Variants in BLOC1S5 observed in about 807,000 individuals in gnomAD.
BLOC1S5 encodes the protein biogenesis of lysosomal organelles complex 1 subunit 5.
In BLOC1S5, 27 loss-of-function variants were observed where a neutral mutation model predicts 24.3. The observed-to-expected ratio is 1.11, with a 90% CI of 0.82 to 1.53. The LOEUF is 1.53. BLOC1S5 is among the 40% of genes most tolerant of loss of function. BLOC1S5 has a pLI of 0.00. For missense variants in BLOC1S5, 239 were observed against 229.4 expected, an observed-to-expected ratio of 1.04 and a Z score of -0.27; for synonymous variants, 84 against 74.5, an observed-to-expected ratio of 1.13 and a Z score of -0.66.
rs756972606 is a variant in BLOC1S5 at position 8,022,579 on chromosome 6, C to CTTTTTTTTTTTT, written c.384+3776_384+3787dup. 2.2e-4 allele frequency among the ~76,000 whole-genome samples: 16 copies of CTTTTTTTTTTTT among 74,308 alleles called. 4 individuals are homozygous for CTTTTTTTTTTTT. Among genetic ancestry groups the CTTTTTTTTTTTT allele is most frequent in the East Asian group, 8.8e-4 (2 of 2,278 alleles). 48.7% of individuals were successfully genotyped at this position (74,308 alleles called of 152,430 possible). ...TATTTTCAAACTCTATTTTTTTTTT[C>CTTTTTTTTTTTT]TTTTTTTTTTTTCTTTTTTTTTTGA... On this transcript the variant is annotated intron_variant, in intron 4 of 4. Transcript: ENST00000397457.
chr6:8,033,984 C>T (rs138369850), intron 3 of BLOC1S5, among the ~76,000 whole-genome samples: 5,959 of 152,136 alleles, frequency 0.039, 366 homozygotes, highest in African/African-American at 0.13. Context: ...AAACAACAGA[C>T]GCTGGAAAGG....
At position 8,015,408 on chromosome 6, in the gene BLOC1S5, T is replaced by C; in HGVS notation, c.*241A>G. 1 of 435,706 alleles carries C rather than the reference T, an allele frequency of 2.3e-6. No homozygotes were observed. 27.0% of individuals were successfully genotyped at this position (435,706 alleles called of 1,614,324 possible). A position where few individuals can be genotyped will look rare whatever the true frequency, so the allele number is the denominator to read the frequency against. On this transcript the variant is annotated 3_prime_UTR_variant, in exon 5 of 5. Coordinates refer to ENST00000397457, the MANE Select transcript of BLOC1S5 (RefSeq NM_201280.3). Reference sequence around the variant, plus strand: ...ACTAACAAAGAGTATATTGATTCCATTTTCCTTCCTACTCCTCTTCATTCA... The same window carrying C: ...ACTAACAAAGAGTATATTGATTCCACTTTCCTTCCTACTCCTCTTCATTCA...
intron 4 of BLOC1S5, among the ~76,000 whole-genome samples, chr6:8,018,719 A>G (rs1187866272): frequency 6.6e-6 from 1 of 152,260 alleles, no homozygotes; most frequent in Non-Finnish European, 1.5e-5. Context: ...TCAAGTTCCT[A>G]GCTCAGTGCC....
chr6:8,063,113 TAAA>T (rs1165404394), intron 1 of BLOC1S5, among the ~76,000 whole-genome samples: 9 of 152,148 alleles, frequency 5.9e-5, no homozygotes, highest in African/African-American at 2.2e-4. Flanking sequence ...CATAAAACTT[TAAA>T]ATATTCAAAA....
rs1287627336 is a variant in BLOC1S5, at chr6:8,015,700, T to C, written c.513A>G (p.Lys171=). 16 of 1,614,036 alleles carry C rather than the reference T, an allele frequency of 9.9e-6. No homozygotes were observed. The highest frequency in any genetic ancestry group is 1.7e-5 in the Admixed American group (1 of 59,996). ...CCTTCTCCATCTCAGCATATTGTTCTTTAAGCCTTTCCATGGCTTTTCTGT... is the reference window on the plus strand; with the variant it reads ...CCTTCTCCATCTCAGCATATTGTTCCTTAAGCCTTTCCATGGCTTTTCTGT... ...EEHRKAMERL[K]EQYAEMEKDL... The change falls in exon 5 of 5, where the codon AAA becomes AAG. Residue 171 remains lysine (K), a synonymous_variant. Coordinates refer to ENST00000397457, the MANE Select transcript of BLOC1S5 (RefSeq NM_201280.3).
intron 3 of BLOC1S5, among the ~76,000 whole-genome samples, chr6:8,029,377 G>C (rs1215214723): frequency 6.6e-6 from 1 of 152,110 alleles, no homozygotes; most frequent in Non-Finnish European, 1.5e-5. Flanking sequence ...CAAGCACATG[G>C]GAAATCTCCC....
chr6:8,062,931 A>G (rs1757316791), intron 1 of BLOC1S5, among the ~76,000 whole-genome samples: 1 of 152,186 alleles, frequency 6.6e-6, no homozygotes, highest in African/African-American at 2.4e-5. Context: ...GTGTAATATC[A>G]AAAGAAAAAA....
intron 2 of BLOC1S5, among the ~76,000 whole-genome samples, chr6:8,047,142 C>CCTCTCTCTCTCTCTCTCT (rs761994219): frequency 9.8e-6 from 1 of 102,314 alleles, no homozygotes; most frequent in East Asian, 2.6e-4. Context: ...AATAAGACCA[C>CCTCTCTCTCTCTCTCTCT]CTCTCTCTCT....
Position 8,064,270 on chromosome 6 carries a change from A to C in BLOC1S5, c.107T>G (p.Ile36Ser). ...LGTAGSAHLIIKDLGEIHSRL... is the reference protein window; with the variant it reads ...LGTAGSAHLISKDLGEIHSRL... The stretch of plus-strand genomic sequence containing the variant: ...ATAGCCCTGACACTCCGTACCCTTG[A>C]TAATGAGGTGCGCTGAGCCCGCAGT... Residue 36 changes from isoleucine to serine, a missense_variant, in exon 1 of 5, where the codon ATC becomes AGC. Physicochemically the swap from Ile to Ser is moderately radical, Grantham distance 142. Transcript: ENST00000397457. The C allele has an allele frequency of 6.2e-7, 1 of 1,613,256 alleles. No homozygotes were observed. Among genetic ancestry groups the C allele is most frequent in the Non-Finnish European group, 8.5e-7 (1 of 1,179,548 alleles).
chr6:8,059,055 A>T (rs1211577100), intron 2 of BLOC1S5, among the ~76,000 whole-genome samples: 1 of 152,192 alleles, frequency 6.6e-6, no homozygotes, highest in Non-Finnish European at 1.5e-5. Flanking sequence ...GCTCTGCTCC[A>T]CCTGAGAAAG....
At chr6:8,021,607 T>C (rs146867939) in intron 4 of BLOC1S5, among the ~76,000 whole-genome samples, 51 of 151,782 alleles carry the variant, frequency 3.4e-4, no homozygotes, top group African/African-American at 1.1e-3. Flanking sequence ...CTCAAAAAAA[T>C]AGTAATAAAT....
At position 8,014,812 on chromosome 6, in the gene BLOC1S5, A is replaced by G. The variant is rs1762681902; in HGVS notation, c.*837T>C. The G allele has an allele frequency of 6.6e-6, 1 of 152,456 alleles. No homozygotes were observed. Among genetic ancestry groups the G allele is most frequent in the Non-Finnish European group, 1.5e-5 (1 of 68,058 alleles). The allele number at this position is 152,456 out of a possible 1,614,324, so 9.4% of individuals were successfully genotyped here. Reference sequence around the variant, plus strand: ...GTTGATTACTCATTAAACAGTCGAAACATGTATAGACATTATTTATCTTAT... The same window carrying G: ...GTTGATTACTCATTAAACAGTCGAAGCATGTATAGACATTATTTATCTTAT... On this transcript the variant is annotated 3_prime_UTR_variant, in exon 5 of 5. Transcript: ENST00000397457.
chr6:8,064,214 G>T, intron 1 of BLOC1S5, 51 bp downstream of exon 1: 1 of 1,488,218 alleles, frequency 6.7e-7, no homozygotes, highest in Non-Finnish European at 9.1e-7. Flanking sequence ...CCGCCTGGGA[G>T]ATGAGGCTGT....
At chr6:8,039,903 G>A (rs1042946991) in intron 3 of BLOC1S5, among the ~76,000 whole-genome samples, 1 of 152,196 alleles carries the variant, frequency 6.6e-6, no homozygotes, top group Non-Finnish European at 1.5e-5. Context: ...ATTGAAAGGC[G>A]TGATTCTGTA....
rs1235747046 is a variant in BLOC1S5, at chr6:8,051,957, G to C, written c.195+10577C>G. On this transcript the variant is annotated intron_variant, in intron 2 of 4. Transcript: ENST00000397457. Reference sequence around the variant, plus strand: ...CGTGTTGTTATTATGTCTGCTGATAGAACATCCATGCCTTTTTTTTTTTTT... The same window carrying C: ...CGTGTTGTTATTATGTCTGCTGATACAACATCCATGCCTTTTTTTTTTTTT... Among the ~76,000 whole-genome samples, 121 of 145,844 alleles carry C rather than the reference G, an allele frequency of 8.3e-4. 2 individuals carry two copies. Among genetic ancestry groups the C allele is most frequent in the Non-Finnish European group, 1.8e-4 (12 of 66,666 alleles).
At chr6:8,034,650 G>C (rs1053580250) in intron 3 of BLOC1S5, among the ~76,000 whole-genome samples, 1 of 152,060 alleles carries the variant, frequency 6.6e-6, no homozygotes, top group Non-Finnish European at 1.5e-5. Context: ...ATTGATGTTG[G>C]TGTGGATGTG....
chr6:8,055,507 G>A (rs1458266253), intron 2 of BLOC1S5, among the ~76,000 whole-genome samples: 2 of 152,106 alleles, frequency 1.3e-5, no homozygotes, highest in African/African-American at 4.8e-5. Flanking sequence ...ATTTCCTCGA[G>A]GAATATTATT....
chr6:8,050,326 T>C lies in BLOC1S5; in HGVS notation c.196-9058A>G, dbSNP rs145225487. Among the ~76,000 whole-genome samples the C allele has an allele frequency of 2.8e-3, 423 of 152,272 alleles. 1 individual carries two copies. The highest frequency in any genetic ancestry group is 9.6e-3 in the African/African-American group (400 of 41,552). On this transcript the variant is annotated intron_variant, in intron 2 of 4. Transcript: ENST00000397457. ...AGACCATGAACTTAATCTATGAATG[T>C]TGGGTCTGTTCTCATTGCTCACTGA...
rs1581416888 is a variant in BLOC1S5 at position 8,041,354 on chromosome 6, C to T, written c.196-86G>A. ...TTGAAATGGAGTCTCGCTCTGTCGC[C>T]CAGACTGGAGTGCGGTGGTGTGATC... On this transcript the variant is annotated intron_variant, in intron 2 of 4. Transcript: ENST00000397457. 1.7e-5 allele frequency: 23 copies of T among 1,319,546 alleles called. No homozygotes were observed. In the East Asian group the frequency reaches 5.1e-4, roughly 30 times the overall value. 81.7% of individuals were successfully genotyped at this position (1,319,546 alleles called of 1,614,324 possible).
Sources: allele counts gnomAD v4.1 joint callset (sites outside exome capture counted in the v4.1 genomes callset), GRCh38; gene constraint gnomAD v4.1.1; transcripts MANE v1.5; gene names NCBI Gene and HGNC (gene_info 2026-07-23, HGNC 2026-07-21).